ZRANB3: variants seen among roughly 807,000 people sequenced by gnomAD.
ZRANB3 encodes zinc finger RANBP2-type containing 3, also known as DNA annealing helicase and endonuclease ZRANB3.
Under a neutral mutation model 133.8 loss-of-function variants are expected in ZRANB3, and 125 were observed. The ratio of observed to expected loss-of-function variants is 0.93; its 90% CI spans 0.81 to 1.08. The LOEUF (loss-of-function observed/expected upper bound fraction) is 1.08. ZRANB3 is among the 50% of genes least tolerant of loss of function. ZRANB3 has a pLI of 0.00. For synonymous variants in ZRANB3, 387 were observed against 432.7 expected (o/e 0.89, Z 1.31); for missense variants, 1,229 against 1,275.5 (o/e 0.96, Z 0.56).
At position 135,333,638 on chromosome 2, in the gene ZRANB3, C is replaced by T. The variant is rs529661166; in HGVS notation, c.677+11912G>A. On this transcript the variant is annotated intron_variant, in intron 6 of 20. Transcript: ENST00000264159. ...TTTACATTATAGGGACTAGGGGAGG[C>T]GGAAATGGGGTCAATTATTTAATGG... Among the ~76,000 whole-genome samples, 40 of 151,998 alleles carry T rather than the reference C, an allele frequency of 2.6e-4. No homozygotes were observed. The South Asian group carries it at 5.8e-3, about 22-fold the overall frequency.
At position 135,287,801 on chromosome 2, in the gene ZRANB3, T is replaced by G. The variant is rs550066453; in HGVS notation, c.967-12046A>C. 2.2e-4 allele frequency among the ~76,000 whole-genome samples: 33 copies of G among 151,634 alleles called. No homozygotes were observed. The South Asian group carries it at 6.0e-3, about 27-fold the overall frequency. Reference sequence around the variant, plus strand: ...TCGATTTTGTATCCTGAAACTTTACTGAATTCATTTATCAGATCTAGGAGC... The same window carrying G: ...TCGATTTTGTATCCTGAAACTTTACGGAATTCATTTATCAGATCTAGGAGC... On this transcript the variant is annotated intron_variant, in intron 8 of 20. Coordinates refer to ENST00000264159, the MANE Select transcript of ZRANB3 (RefSeq NM_032143.4).
chr2:135,342,480 T>C (rs545549572), intron 6 of ZRANB3, among the ~76,000 whole-genome samples: 2 of 150,150 alleles, frequency 1.3e-5, no homozygotes, highest in Non-Finnish European at 2.9e-5. Context: ...TGAAAATGTT[T>C]ACCTCTTTTA....
At chr2:135,387,498 T>C (rs921419617) in intron 3 of ZRANB3, among the ~76,000 whole-genome samples, 1 of 152,316 alleles carries the variant, frequency 6.6e-6, no homozygotes, top group Non-Finnish European at 1.5e-5. Flanking sequence ...TACCACTAAA[T>C]AGATTATTAG....
intron 12 of ZRANB3, among the ~76,000 whole-genome samples, chr2:135,254,806 A>G (rs909028619): frequency 6.6e-6 from 1 of 151,446 alleles, no homozygotes; most frequent in Non-Finnish European, 1.5e-5. Context: ...GCTGGAGTAC[A>G]GTGGCGCGAT....
chr2:135,391,210 C>T (rs548955683), intron 2 of ZRANB3, among the ~76,000 whole-genome samples: 139 of 152,200 alleles, frequency 9.1e-4, no homozygotes, highest in African/African-American at 3.3e-3. Context: ...GAAAATAGTT[C>T]ATAAATACTA....
At chr2:135,497,166 C>T (rs958024245) in intron 2 of ZRANB3, among the ~76,000 whole-genome samples, 8 of 152,128 alleles carry the variant, frequency 5.3e-5, no homozygotes, top group Non-Finnish European at 1.0e-4. Flanking sequence ...TATATAAATT[C>T]TCCCCAAACT....
chr2:135,205,452 T>A (rs1399856052), intron 19 of ZRANB3, among the ~76,000 whole-genome samples: 2 of 152,082 alleles, frequency 1.3e-5, no homozygotes, highest in African/African-American at 4.8e-5. Context: ...CAGGTTTTTT[T>A]TCTTTTGTAG....
chr2:135,222,824 T>C (rs558665911), intron 15 of ZRANB3, among the ~76,000 whole-genome samples: 1 of 152,264 alleles, frequency 6.6e-6, no homozygotes, highest in East Asian at 1.9e-4. Flanking sequence ...TTAAAAATAA[T>C]TGTTGGCCAG....
chr2:135,522,125 G>A (rs1693971588), intron 1 of ZRANB3, among the ~76,000 whole-genome samples: 1 of 152,106 alleles, frequency 6.6e-6, no homozygotes, highest in South Asian at 2.1e-4. Context: ...ACCAATTTCA[G>A]TCCCGAAAAG....
At chr2:135,285,413 G>T (rs894570229) in intron 8 of ZRANB3, among the ~76,000 whole-genome samples, 1 of 152,150 alleles carries the variant, frequency 6.6e-6, no homozygotes, top group African/African-American at 2.4e-5. Flanking sequence ...CAGAGCCAGA[G>T]ATCCTTTCCG....
At chr2:135,469,595 T>C (rs1691161379) in intron 2 of ZRANB3, among the ~76,000 whole-genome samples, 1 of 152,224 alleles carries the variant, frequency 6.6e-6, no homozygotes, top group African/African-American at 2.4e-5. Flanking sequence ...CCTTGAAAGT[T>C]TGTTAGATTT....
At chr2:135,252,157 C>G (rs766746680) in intron 12 of ZRANB3, among the ~76,000 whole-genome samples, 4 of 151,972 alleles carry the variant, frequency 2.6e-5, no homozygotes, top group Non-Finnish European at 5.9e-5. Context: ...AACTTATGAA[C>G]ACAAAAAAGG....
At chr2:135,271,287 TTC>T (rs1193429144) in intron 10 of ZRANB3, 1 of 471,084 alleles carries the variant, frequency 2.1e-6, no homozygotes, top group East Asian at 6.9e-5. Context: ...TAATCTGAAT[TTC>T]TGTTTACTTG....
chr2:135,428,313 G>A (rs1314234115), intron 2 of ZRANB3, among the ~76,000 whole-genome samples: 1 of 151,128 alleles, frequency 6.6e-6, no homozygotes, highest in African/African-American at 2.4e-5. Context: ...GCTTGGTAGT[G>A]TGCACCTGTA....
intron 3 of ZRANB3, among the ~76,000 whole-genome samples, chr2:135,386,424 G>A (rs1405421037): frequency 2.0e-5 from 3 of 152,320 alleles, no homozygotes; most frequent in South Asian, 2.1e-4. Flanking sequence ...CATTGTGGAA[G>A]ACAGTGTGGT....
At chr2:135,489,986 G>T (rs1041165205) in intron 2 of ZRANB3, among the ~76,000 whole-genome samples, 1 of 152,046 alleles carries the variant, frequency 6.6e-6, no homozygotes. Context: ...AATATGGCAC[G>T]TCCAAGAAAA....
rs145018177 is a variant in ZRANB3, at chr2:135,357,456, C to T, written c.181-3828G>A. 7.5e-3 allele frequency among the ~76,000 whole-genome samples: 1,138 copies of T among 152,246 alleles called. 14 individuals are homozygous for T. Among genetic ancestry groups the T allele is most frequent in the African/African-American group, 0.025 (1,058 of 41,534 alleles). On this transcript the variant is annotated intron_variant, in intron 3 of 20. Transcript: ENST00000264159. ...GATTACAGGCGCATGCCACCACTCC[C>T]GGCTAACTTTTGTATTTTTAGTAGA...
At chr2:135,372,165 CA>C (rs568486324) in intron 3 of ZRANB3, among the ~76,000 whole-genome samples, 5,911 of 88,522 alleles carry the variant, frequency 0.067, 369 homozygotes, top group African/African-American at 0.21. Context: ...GACTCTGTCT[CA>C]AAAAAAAAAA....
At chr2:135,485,718 A>T (rs1574183419) in intron 2 of ZRANB3, among the ~76,000 whole-genome samples, 1 of 152,236 alleles carries the variant, frequency 6.6e-6, no homozygotes, top group Admixed American at 6.5e-5. Context: ...CTTGTTTCAC[A>T]GTGTATATTA....
Sources: gnomAD v4.1 joint callset for allele counts (sites outside exome capture counted in the v4.1 genomes callset) on GRCh38, gnomAD v4.1.1 for gene constraint, MANE v1.5 for transcripts, NCBI Gene and HGNC (gene_info 2026-07-23, HGNC 2026-07-21) for gene names.